Variants in PDE4D observed in about 807,000 individuals in gnomAD.
PDE4D encodes the protein 3',5'-cyclic-AMP phosphodiesterase 4D.
PDE4D carries 24 observed loss-of-function variants against 87.4 expected under a neutral mutation model. The observed-to-expected ratio is 0.27, with a 90% CI of 0.20 to 0.39. The LOEUF (loss-of-function observed/expected upper bound fraction) is 0.39. PDE4D is among the 10% of genes least tolerant of loss of function. The pLI is 1.00. For synonymous variants in PDE4D, 384 were observed against 383.2 expected (o/e 1.00, Z -0.02); for missense variants, 714 against 1,041.0 (o/e 0.69, Z 4.32).
intron 1 of PDE4D, among the ~76,000 whole-genome samples, chr5:60,252,069 A>T (rs546189496): frequency 6.6e-6 from 1 of 152,002 alleles, no homozygotes; most frequent in Non-Finnish European, 1.5e-5. Flanking sequence ...TTTGTAGTCT[A>T]GGAGCAATAG....
chr5:59,519,524 C>T (rs1449436522), intron 1 of PDE4D, among the ~76,000 whole-genome samples: 1 of 152,158 alleles, frequency 6.6e-6, no homozygotes, highest in Non-Finnish European at 1.5e-5. Flanking sequence ...ATTCAGGGAA[C>T]ACCAGTGAAG....
At chr5:59,931,479 G>C (rs942915679) in intron 3 of PDE4D, among the ~76,000 whole-genome samples, 1 of 152,030 alleles carries the variant, frequency 6.6e-6, no homozygotes, top group African/African-American at 2.4e-5. Flanking sequence ...CTTGCTGGTG[G>C]GGACCCTCCA....
chr5:59,153,591 G>A (rs979213552), intron 5 of PDE4D, among the ~76,000 whole-genome samples: 13 of 152,104 alleles, frequency 8.5e-5, no homozygotes, highest in Non-Finnish European at 1.9e-4. Context: ...TTGCACCCAA[G>A]AATCATTTCA....
At chr5:59,259,709 C>G (rs959024668) in intron 1 of PDE4D, among the ~76,000 whole-genome samples, 73 of 151,870 alleles carry the variant, frequency 4.8e-4, no homozygotes, top group African/African-American at 1.7e-3. Context: ...GAGTAAGTAT[C>G]TTTCATGTAG....
chr5:60,396,576 T>A (rs1762898080), intron 1 of PDE4D, among the ~76,000 whole-genome samples: 1 of 152,116 alleles, frequency 6.6e-6, no homozygotes, highest in African/African-American at 2.4e-5. Context: ...AGTGCAGTAG[T>A]GTGATCATAG....
intron 1 of PDE4D, among the ~76,000 whole-genome samples, chr5:60,261,879 C>G (rs536358342): frequency 1.6e-4 from 25 of 152,212 alleles, no homozygotes; most frequent in Admixed American, 1.0e-3. Context: ...ATCCCCCAAC[C>G]CTGTATCCTG....
chr5:60,174,036 T>C (rs1245723787), intron 2 of PDE4D, among the ~76,000 whole-genome samples: 1 of 152,144 alleles, frequency 6.6e-6, no homozygotes, highest in African/African-American at 2.4e-5. Flanking sequence ...TGTTTAAAGA[T>C]GAGGAAGAAT....
At chr5:59,517,598 G>A (rs1343297190) in intron 1 of PDE4D, among the ~76,000 whole-genome samples, 1 of 152,176 alleles carries the variant, frequency 6.6e-6, no homozygotes, top group Non-Finnish European at 1.5e-5. Context: ...CTTACTAGCT[G>A]TGTGACCTGG....
intron 1 of PDE4D, among the ~76,000 whole-genome samples, chr5:59,230,183 CCTCT>C (rs1754848759): frequency 1.3e-5 from 2 of 152,098 alleles, no homozygotes; most frequent in African/African-American, 4.8e-5. Flanking sequence ...TCTCTCCCTC[CCTCT>C]CTATTTTCAG....
rs559443735 is a variant in PDE4D at position 60,397,941 on chromosome 5, G to A, written c.-90+90001C>T. Among the ~76,000 whole-genome samples the A allele has an allele frequency of 1.1e-4, 17 of 152,302 alleles. 1 individual carries two copies. In the South Asian group the frequency reaches 2.5e-3, roughly 22 times the overall value. On this transcript the variant is annotated intron_variant, in intron 1 of 16. Coordinates refer to the PDE4D transcript ENST00000502484. ...GTTTAGACCTTGAAATTCTTGCACTGTAGCAAAACTAGGTGAGCACTCTTA... is the reference window on the plus strand; with the variant it reads ...GTTTAGACCTTGAAATTCTTGCACTATAGCAAAACTAGGTGAGCACTCTTA...
At chr5:60,316,699 G>T (rs923734499) in intron 1 of PDE4D, among the ~76,000 whole-genome samples, 1 of 152,010 alleles carries the variant, frequency 6.6e-6, no homozygotes, top group African/African-American at 2.4e-5. Context: ...TAGCATGAAG[G>T]GCTGTTGAAT....
At chr5:60,266,354 T>G (rs1435311408) in intron 1 of PDE4D, among the ~76,000 whole-genome samples, 1 of 152,170 alleles carries the variant, frequency 6.6e-6, no homozygotes, top group African/African-American at 2.4e-5. Flanking sequence ...TTAATATAAT[T>G]TTTATAAAGA....
intron 1 of PDE4D, among the ~76,000 whole-genome samples, chr5:60,371,522 T>C (rs1308690916): frequency 6.6e-6 from 1 of 152,358 alleles, no homozygotes; most frequent in Non-Finnish European, 1.5e-5. Flanking sequence ...TTATATTTTT[T>C]TATCTTAATT....
At chr5:59,687,461 T>C (rs1750079071) in intron 1 of PDE4D, among the ~76,000 whole-genome samples, 1 of 152,076 alleles carries the variant, frequency 6.6e-6, no homozygotes. Flanking sequence ...GAATTTCATA[T>C]CCAGCCAAAC....
In PDE4D at chr5:59,785,778, G is replaced by A. The variant is rs1765106088; in HGVS notation, c.455+107390C>T. ...AACTGATATCTCATCCATACCGAAG[G>A]ATGGTACCATGTTTTTGCCGGTGGT... On this transcript the variant is annotated intron_variant, in intron 1 of 14. Transcript: ENST00000340635. Among the ~76,000 whole-genome samples the A allele has an allele frequency of 2.0e-5, 3 of 152,326 alleles. No individual in the cohort carries two copies. The South Asian group carries it at 6.2e-4, about 32-fold the overall frequency.
chr5:60,480,665 T>C (rs1748660926), intron 1 of PDE4D, among the ~76,000 whole-genome samples: 1 of 152,162 alleles, frequency 6.6e-6, no homozygotes. Context: ...TTTGCACCAA[T>C]AATTGCTACA....
chr5:59,498,750 G>A (rs942085846), intron 1 of PDE4D, among the ~76,000 whole-genome samples: 1 of 151,942 alleles, frequency 6.6e-6, no homozygotes, highest in South Asian at 2.1e-4. Context: ...ATATATATAT[G>A]TTCAACATTG....
At chr5:59,568,058 G>C (rs1236699578) in intron 1 of PDE4D, among the ~76,000 whole-genome samples, 1 of 152,178 alleles carries the variant, frequency 6.6e-6, no homozygotes, top group Non-Finnish European at 1.5e-5. Context: ...AAAGGAACGT[G>C]TGCTCCTTGG....
At chr5:59,141,740 A>G (rs1039353651) in intron 5 of PDE4D, among the ~76,000 whole-genome samples, 2 of 152,212 alleles carry the variant, frequency 1.3e-5, no homozygotes, top group Non-Finnish European at 2.9e-5. Flanking sequence ...TGTTGTGGAC[A>G]TCGGCAGGCA....
Sources: gnomAD v4.1 joint callset for allele counts (sites outside exome capture counted in the v4.1 genomes callset) on GRCh38, gnomAD v4.1.1 for gene constraint, MANE v1.5 for transcripts, NCBI Gene and HGNC (gene_info 2026-07-23, HGNC 2026-07-21) for gene names.